The following RNF13 variants were observed in gnomAD, a reference collection of about 807,000 sequenced individuals.
RNF13 encodes E3 ubiquitin-protein ligase RNF13.
A neutral mutation model predicts 37.7 loss-of-function variants in RNF13; 19 were observed. That is an observed-to-expected ratio of 0.50 (90% CI 0.35 to 0.74). The LOEUF (loss-of-function observed/expected upper bound fraction) is 0.74. Among genes scored for constraint, RNF13 ranks in the 30% least tolerant of loss-of-function variants. The pLI is 0.01. For synonymous variants in RNF13, 144 were observed against 157.8 expected (o/e 0.91, Z 0.65); for missense variants, 375 against 453.0 (o/e 0.83, Z 1.56).
chr3:149,877,472 C>CTTTTTTTTTTTTTTTTTTTT (rs369676407), intron 4 of RNF13, among the ~76,000 whole-genome samples: 3 of 101,486 alleles, frequency 3.0e-5, no homozygotes, highest in Non-Finnish European at 4.1e-5. Flanking sequence ...TTCTTTCTGT[C>CTTTTTTTTTTTTTTTTTTTT]TTTTTTTTTT....
In RNF13 at chr3:149,946,200, AC is replaced by A. The variant is rs1289567221; in HGVS notation, c.701-13854del. ...ATTAGACAAATGGCTAACTAGAATA[AC>A]CAGTGTAGCAAAGTCCTTAAATGAC... On this transcript the variant is annotated intron_variant, in intron 8 of 9. Transcript: ENST00000392894. 3.3e-5 allele frequency among the ~76,000 whole-genome samples: 5 copies of A among 152,224 alleles called. No individual in the cohort carries two copies. The East Asian group carries it at 9.6e-4, about 29-fold the overall frequency.
At chr3:149,937,373 G>C (rs112568537) in intron 8 of RNF13, among the ~76,000 whole-genome samples, 7 of 152,070 alleles carry the variant, frequency 4.6e-5, no homozygotes, top group African/African-American at 1.7e-4. Context: ...CTTAAGGGAG[G>C]GGCATCATGG....
At chr3:149,818,344 T>C (rs528983610) in intron 1 of RNF13, among the ~76,000 whole-genome samples, 2 of 152,312 alleles carry the variant, frequency 1.3e-5, no homozygotes, top group African/African-American at 4.8e-5. Context: ...TTTAAGCAGA[T>C]GGTAATAATG....
At chr3:149,861,017 A>G (rs1358594696) in intron 3 of RNF13, among the ~76,000 whole-genome samples, 1 of 152,220 alleles carries the variant, frequency 6.6e-6, no homozygotes, top group Non-Finnish European at 1.5e-5. Context: ...AATGTTTAAC[A>G]TCACTAATCA....
chr3:149,945,521 A>G (rs538480044), intron 8 of RNF13, among the ~76,000 whole-genome samples: 4 of 152,298 alleles, frequency 2.6e-5, no homozygotes, highest in Admixed American at 6.5e-5. Flanking sequence ...AGGCAGCAGA[A>G]ATCTCTGCAG....
chr3:149,865,353 T>C (rs1167395944), intron 3 of RNF13, among the ~76,000 whole-genome samples: 1 of 149,730 alleles, frequency 6.7e-6, no homozygotes, highest in Non-Finnish European at 1.5e-5. Context: ...TATATATATG[T>C]ATAAAACAGA....
chr3:149,829,171 C>T (rs1279778101), intron 1 of RNF13, among the ~76,000 whole-genome samples: 4 of 152,158 alleles, frequency 2.6e-5, no homozygotes, highest in Non-Finnish European at 4.4e-5. Context: ...GCTATCTTGG[C>T]TCACTGCAAC....
chr3:149,926,357 G>GC (rs1718652471), intron 8 of RNF13, among the ~76,000 whole-genome samples: 1 of 151,942 alleles, frequency 6.6e-6, no homozygotes, highest in South Asian at 2.1e-4. Context: ...GACTACAGGC[G>GC]CCCGCCACCA....
chr3:149,860,270 A>AAAAAAAAAATATATATATATATATATAT (rs1302318768), intron 3 of RNF13, among the ~76,000 whole-genome samples: 1 of 104,116 alleles, frequency 9.6e-6, no homozygotes, highest in African/African-American at 4.2e-5. Context: ...AAAAAAAAAA[A>AAAAAAAAAATATATATATATATATATAT]ATATATATAT....
At chr3:149,939,031 C>T in intron 8 of RNF13, 2 of 487,678 alleles carry the variant, frequency 4.1e-6, no homozygotes, top group South Asian at 3.2e-5. Context: ...TGAATAACCT[C>T]CTGGTCAGTC....
intron 8 of RNF13, among the ~76,000 whole-genome samples, chr3:149,945,273 G>C (rs1356032285): frequency 6.6e-6 from 1 of 152,156 alleles, no homozygotes; most frequent in Non-Finnish European, 1.5e-5. Context: ...TTTTGGCTTA[G>C]GATTGTCTGG....
At chr3:149,823,409 A>T (rs572452929) in intron 1 of RNF13, among the ~76,000 whole-genome samples, 59 of 152,318 alleles carry the variant, frequency 3.9e-4, no homozygotes, top group African/African-American at 1.3e-3. Flanking sequence ...AGGAGAATCG[A>T]TACAATGAAA....
chr3:149,865,422 A>G (rs919827893), intron 3 of RNF13, among the ~76,000 whole-genome samples: 1 of 151,438 alleles, frequency 6.6e-6, no homozygotes. Flanking sequence ...TATTTAAGAT[A>G]TAACCTCAAA....
intron 8 of RNF13, 33 bp downstream of exon 8, chr3:149,921,260 GT>G: frequency 9.6e-7 from 1 of 1,045,874 alleles, no homozygotes; most frequent in Non-Finnish European, 1.3e-6. Flanking sequence ...ATTATCCTTA[GT>G]TTATTTAAGA....
intron 8 of RNF13, among the ~76,000 whole-genome samples, chr3:149,950,093 ATTC>A (rs1486576912): frequency 6.6e-6 from 1 of 152,172 alleles, no homozygotes; most frequent in Non-Finnish European, 1.5e-5. Flanking sequence ...AATCAAATGC[ATTC>A]TTCATTTTTG....
At chr3:149,822,353 T>C (rs905101249) in intron 1 of RNF13, among the ~76,000 whole-genome samples, 2 of 152,154 alleles carry the variant, frequency 1.3e-5, no homozygotes, top group Non-Finnish European at 2.9e-5. Flanking sequence ...TCCTTTGTTA[T>C]ATTTATTCCT....
At chr3:149,929,714 T>G (rs1454039081) in intron 8 of RNF13, among the ~76,000 whole-genome samples, 1 of 152,204 alleles carries the variant, frequency 6.6e-6, no homozygotes, top group Non-Finnish European at 1.5e-5. Context: ...GTTGATGAAG[T>G]CCCCTACTAT....
At chr3:149,955,129 T>G (rs1721735521) in intron 8 of RNF13, among the ~76,000 whole-genome samples, 1 of 152,284 alleles carries the variant, frequency 6.6e-6, no homozygotes, top group Admixed American at 6.5e-5. Flanking sequence ...GCATTTTTCC[T>G]TTATGGCTTA....
Position 149,911,997 on chromosome 3 carries a change from C to T in RNF13, c.520C>T (p.Pro174Ser), listed in dbSNP as rs1344976743. ...YEKGGHLILV[P>S]EFSLPLEYYL... ...TTCTAGGGGCCACCTTATCTTAGTT[C>T]CAGAATTTAGTCTTCCTTTGGAATA... is the stretch of plus-strand genomic sequence containing the variant. The change falls in exon 7 of 10, where the codon CCA (proline) becomes TCA (serine). Residue 174 changes from proline to serine, a missense_variant. Transcript: ENST00000392894. The T allele has an allele frequency of 1.3e-6, 2 of 1,584,820 alleles. No homozygotes were observed. Among genetic ancestry groups the T allele is most frequent in the East Asian group, 2.2e-5 (1 of 44,592 alleles).
Sources: allele counts gnomAD v4.1 joint callset (sites outside exome capture counted in the v4.1 genomes callset), GRCh38; gene constraint gnomAD v4.1.1; transcripts MANE v1.5; gene names NCBI Gene and HGNC (gene_info 2026-07-23, HGNC 2026-07-21).